Variants in LYVE1 observed in about 807,000 individuals in gnomAD.
LYVE1 encodes the protein lymphatic vessel endothelial hyaluronic acid receptor 1.
Under a neutral mutation model 31.5 loss-of-function variants are expected in LYVE1, and 29 were observed. The observed-to-expected ratio is 0.92, with a 90% CI of 0.69 to 1.26. The LOEUF (loss-of-function observed/expected upper bound fraction) is 1.26. Ranked by LOEUF, LYVE1 falls within the 50% of genes most tolerant of loss-of-function variation. The probability of loss-of-function intolerance (pLI) is 0.00; values close to 1 mark genes in which losing one functional copy is unlikely to be tolerated. For synonymous variants in LYVE1, 134 were observed against 139.4 expected, an observed-to-expected ratio of 0.96 and a Z score of 0.27; for missense variants, 376 against 380.2, an observed-to-expected ratio of 0.99 and a Z score of 0.09.
chr11:10,559,767 T>C (rs1390659646), intron 5 of LYVE1, 49 bp downstream of exon 5: 1 of 1,549,924 alleles, frequency 6.5e-7, no homozygotes, highest in Admixed American at 1.7e-5. Flanking sequence ...AAGCACAGGA[T>C]AGAAACATGA....
In LYVE1 at chr11:10,558,771, AG is replaced by A. The variant is rs1850359046; in HGVS notation, c.*339del. 5.0e-6 allele frequency: 1 copy of A among 201,474 alleles called. No homozygotes were observed. The highest frequency in any genetic ancestry group is 5.8e-5 in the Admixed American group (1 of 17,280). 12.5% of individuals were successfully genotyped at this position (201,474 alleles called of 1,614,324 possible). A position where few individuals can be genotyped will look rare whatever the true frequency, so the allele number is the denominator to read the frequency against. On this transcript the variant is annotated 3_prime_UTR_variant, in exon 6 of 6. Coordinates refer to ENST00000256178, the MANE Select transcript of LYVE1 (RefSeq NM_006691.4). ...ACCCACCTAGCCTCAGACAGCCAGG[AG>A]GCCTTTTTACCACTGGATACTGATG...
chr11:10,560,038 A>G, intron 4 of LYVE1, 144 bp from the exon 5 acceptor site: 4 of 580,822 alleles, frequency 6.9e-6, no homozygotes, highest in East Asian at 2.9e-5. Context: ...GGCCCACACC[A>G]GCTTCTTTGC....
rs201397416 is a variant in LYVE1 at position 10,560,570 on chromosome 11, T to G, written c.628A>C (p.Ser210Arg). 6.2e-7 allele frequency: 1 copy of G among 1,614,132 alleles called. No individual in the cohort carries two copies. Among genetic ancestry groups the G allele is most frequent in the East Asian group, 2.2e-5 (1 of 44,880 alleles). Residue 210 changes from serine (S) to arginine (R), a missense_variant, in exon 4 of 6, where the codon AGC becomes CGC. Physicochemically the swap from Ser to Arg is moderately radical, Grantham distance 110. Transcript: ENST00000256178. ...GGTTCAGTTTCTGTAGACATGGTGCTAGTTTCCATAAAAACTTCTGTGACA... is the reference window on the plus strand; with the variant it reads ...GGTTCAGTTTCTGTAGACATGGTGCGAGTTTCCATAAAAACTTCTGTGACA... ...ICVTEVFMET[S>R]TMSTETEPFV...
chr11:10,567,244 C>T (rs191510003), intron 1 of LYVE1, among the ~76,000 whole-genome samples: 6 of 152,182 alleles, frequency 3.9e-5, no homozygotes, highest in African/African-American at 1.4e-4. Flanking sequence ...ATTCACTTAC[C>T]TTCATCAACT....
In LYVE1 at chr11:10,557,430, C is replaced by T. The variant is rs1365157234; in HGVS notation, c.*1681G>A. 1 of 152,120 alleles carries T rather than the reference C, an allele frequency of 6.6e-6. No homozygotes were observed. The highest frequency in any genetic ancestry group is 2.4e-5 in the African/African-American group (1 of 41,428). 9.4% of individuals were successfully genotyped at this position (152,120 alleles called of 1,614,324 possible). A position where few individuals can be genotyped will look rare whatever the true frequency, so the allele number is the denominator to read the frequency against. On this transcript the variant is annotated 3_prime_UTR_variant, in exon 6 of 6. Transcript: ENST00000256178. ...TTAAGATTATACTCCGTGGGCCAACCGGAAAAGATTATGCCAGCAGGTTGT... is the reference window on the plus strand; with the variant it reads ...TTAAGATTATACTCCGTGGGCCAACTGGAAAAGATTATGCCAGCAGGTTGT...
rs1850488800 is a variant in LYVE1, at chr11:10,564,189, C to A, written c.257+14G>T. On this transcript the variant is annotated intron_variant, in intron 2 of 5. Transcript: ENST00000256178. The stretch of plus-strand genomic sequence containing the variant: ...AGAACTCCAGCAGTGACAGTGAAAC[C>A]AGCTTTTTCTCACCTGCAAGTTTCA... 5 of 1,613,728 alleles carry A rather than the reference C, an allele frequency of 3.1e-6. No homozygotes were observed. Among genetic ancestry groups the A allele is most frequent in the Non-Finnish European group, 4.2e-6 (5 of 1,179,692 alleles).
intron 1 of LYVE1, among the ~76,000 whole-genome samples, chr11:10,566,522 G>C (rs16907989): frequency 6.6e-6 from 1 of 151,908 alleles, no homozygotes; most frequent in African/African-American, 2.4e-5. Flanking sequence ...CACACCGTTT[G>C]CTCTGAAATT....
Position 10,568,488 on chromosome 11 carries a change from C to A in LYVE1, c.45G>T (p.Trp15Cys). The A allele has an allele frequency of 1.9e-6, 3 of 1,614,008 alleles. No homozygotes were observed. The highest frequency in any genetic ancestry group is 2.5e-6 in the Non-Finnish European group (3 of 1,179,938). ...FSLVLLLTSI[W>C]TTRLLVQGSL... Reference sequence around the variant, plus strand: ...AGCCTTGGACCAGGAGCCTCGTGGTCCAGATGGAAGTGAGAAGCAACACCA... The same window carrying A: ...AGCCTTGGACCAGGAGCCTCGTGGTACAGATGGAAGTGAGAAGCAACACCA... Residue 15 changes from tryptophan to cysteine, a missense_variant, in exon 1 of 6, where the codon TGG becomes TGT. Trp to Cys is a radical substitution (Grantham distance 215). Coordinates refer to ENST00000256178, the MANE Select transcript of LYVE1 (RefSeq NM_006691.4).
At chr11:10,565,787 C>T (rs1850524243) in intron 1 of LYVE1, among the ~76,000 whole-genome samples, 1 of 151,758 alleles carries the variant, frequency 6.6e-6, no homozygotes, top group Admixed American at 6.6e-5. Flanking sequence ...AGGTGTGCAC[C>T]AGTATGGCCA....
Position 10,557,561 on chromosome 11 carries a change from G to A in LYVE1, c.*1550C>T, listed in dbSNP as rs17403620. 10,314 of 152,130 alleles carry A rather than the reference G, an allele frequency of 0.068. 483 individuals are homozygous for A. Among genetic ancestry groups the A allele is most frequent in the Non-Finnish European group, 0.097 (6,604 of 68,006 alleles). The allele number at this position is 152,130 out of a possible 1,614,324, so 9.4% of individuals were successfully genotyped here. ...AAAGAGAAAACTAGAGAAGCAGGGC[G>A]GTCAAAAGTGAGACGAATGAGCCAT... is the stretch of plus-strand genomic sequence containing the variant. On this transcript the variant is annotated 3_prime_UTR_variant, in exon 6 of 6. Coordinates refer to ENST00000256178, the MANE Select transcript of LYVE1 (RefSeq NM_006691.4).
intron 1 of LYVE1, among the ~76,000 whole-genome samples, chr11:10,567,135 C>A (rs1196951312): frequency 6.6e-6 from 1 of 152,138 alleles, no homozygotes; most frequent in East Asian, 1.9e-4. Flanking sequence ...AGTCACTTCA[C>A]CTATAAACTG....
chr11:10,559,062 G>C lies in LYVE1; in HGVS notation c.*49C>G. ...ATTTCCCCAGCTGGGGCAGGGTAAG[G>C]AGCATGAAAGAAACCAGCCTCAGGT... On this transcript the variant is annotated 3_prime_UTR_variant, in exon 6 of 6. Transcript: ENST00000256178. 6.4e-7 allele frequency: 1 copy of C among 1,554,184 alleles called. No individual in the cohort carries two copies. The highest frequency in any genetic ancestry group is 8.8e-7 in the Non-Finnish European group (1 of 1,134,408).
rs1232192253 is a variant in LYVE1 at position 10,560,725 on chromosome 11, T to C, written c.473A>G (p.Gln158Arg). The C allele has an allele frequency of 1.2e-6, 2 of 1,613,932 alleles. No homozygotes were observed. Among genetic ancestry groups the C allele is most frequent in the Admixed American group, 3.3e-5 (2 of 60,028 alleles). Residue 158 changes from glutamine to arginine, a missense_variant, in exon 4 of 6, where the codon CAA becomes CGA. Gln to Arg is a conservative substitution (Grantham distance 43). Coordinates refer to ENST00000256178, the MANE Select transcript of LYVE1 (RefSeq NM_006691.4). ...GTCACTGACAATAAATTCTGTTGTT[T>C]GTGTTGCAGTTTGAGTGTTGAATAT... ...DPIFNTQTAT[Q>R]TTEFIVSDST... is the part of the protein sequence containing the mutation.
At chr11:10,563,041 C>T (rs1850463176) in intron 3 of LYVE1, among the ~76,000 whole-genome samples, 1 of 149,988 alleles carries the variant, frequency 6.7e-6, no homozygotes, top group African/African-American at 2.5e-5. Flanking sequence ...GCAAGCTCCG[C>T]CTCCTGGGTT....
chr11:10,559,347 T>C (rs748180488), intron 5 of LYVE1, 50 bp from the exon 6 acceptor site: 3 of 1,487,166 alleles, frequency 2.0e-6, no homozygotes, highest in African/African-American at 2.8e-5. Flanking sequence ...CACATAACGA[T>C]AGATAACACT....
intron 1 of LYVE1, 93 bp from the exon 2 acceptor site, chr11:10,564,467 G>A (rs1438328388): frequency 4.2e-6 from 5 of 1,194,910 alleles, no homozygotes; most frequent in Admixed American, 2.0e-5. Context: ...GTCCTGATGC[G>A]CAGGGAGGTC....
At position 10,560,676 on chromosome 11, in the gene LYVE1, AG is replaced by A. The variant is rs1375117633; in HGVS notation, c.521del (p.Pro174LeufsTer26). 14 of 1,614,092 alleles carry A rather than the reference AG, an allele frequency of 8.7e-6. No individual in the cohort carries two copies. The highest frequency in any genetic ancestry group is 1.1e-5 in the Non-Finnish European group (13 of 1,179,958). On this transcript the variant is annotated frameshift_variant, in exon 4 of 6. Coordinates refer to ENST00000256178, the MANE Select transcript of LYVE1 (RefSeq NM_006691.4). LOFTEE classifies it high-confidence loss of function. Reference protein sequence around the residue: ...VSDSTYSVASPYSTIPAPTTT... With the variant: ...VSDSTYSVASXYSTIPAPTTT... ...TAGTAGGGGCAGGTATTGTAGAGTA[AG>A]GGGATGCCACCGAGTAGGTACTGTC...
At position 10,561,016 on chromosome 11, in the gene LYVE1, T is replaced by G. The variant is rs190308645; in HGVS notation, c.398-216A>C. 2.6e-5 allele frequency among the ~76,000 whole-genome samples: 4 copies of G among 152,360 alleles called. No homozygotes were observed. In the East Asian group the frequency reaches 7.7e-4, roughly 29 times the overall value. On this transcript the variant is annotated intron_variant, in intron 3 of 5. Coordinates refer to ENST00000256178, the MANE Select transcript of LYVE1 (RefSeq NM_006691.4). ...TTCTGTGATTTGGCCCCTGCTAACA[T>G]GCCAGCCTCATCTGCTCTTTTTCTC...
intron 3 of LYVE1, among the ~76,000 whole-genome samples, chr11:10,561,087 C>G (rs1301579304): frequency 6.6e-6 from 1 of 152,212 alleles, no homozygotes; most frequent in African/African-American, 2.4e-5. Flanking sequence ...CCTTGATACA[C>G]TTTATCTTAC....
Sources: gnomAD v4.1 joint callset for allele counts (sites outside exome capture counted in the v4.1 genomes callset) on GRCh38, gnomAD v4.1.1 for gene constraint, MANE v1.5 for transcripts, NCBI Gene and HGNC (gene_info 2026-07-23, HGNC 2026-07-21) for gene names.